SLC41A3: variants seen among roughly 807,000 people sequenced by gnomAD.
SLC41A3 encodes the protein solute carrier family 41 member 3.
A neutral mutation model predicts 45.4 loss-of-function variants in SLC41A3; 44 were observed. The ratio of observed to expected loss-of-function variants is 0.97; its 90% confidence interval spans 0.76 to 1.25. The LOEUF is 1.25. SLC41A3 is among the 50% of genes most tolerant of loss of function. SLC41A3 has a pLI of 0.00. For missense variants in SLC41A3, 550 were observed against 600.6 expected, an observed-to-expected ratio of 0.92 and a Z score of 0.88; for synonymous variants, 256 against 252.4, an observed-to-expected ratio of 1.01 and a Z score of -0.13.
At chr3:126,073,446 A>C (rs1363247908) in intron 1 of SLC41A3, among the ~76,000 whole-genome samples, 6 of 152,124 alleles carry the variant, frequency 3.9e-5, no homozygotes, top group Non-Finnish European at 5.9e-5. Context: ...GAAAAAAAAC[A>C]AAAACAAACA....
Position 126,056,709 on chromosome 3 carries a change from C to T in SLC41A3, c.274-5659G>A, listed in dbSNP as rs946955486. Reference sequence around the variant, plus strand: ...TGCCCTGTGCCTGCAGAGAGTTCCCCAACAGCCCCTCGGCTGAGGGCCAGC... The same window carrying T: ...TGCCCTGTGCCTGCAGAGAGTTCCCTAACAGCCCCTCGGCTGAGGGCCAGC... On this transcript the variant is annotated intron_variant, in intron 2 of 10. Coordinates refer to ENST00000360370, the MANE Select transcript of SLC41A3 (RefSeq NM_017836.4). 4 of 1,439,858 alleles carry T rather than the reference C, an allele frequency of 2.8e-6. No individual in the cohort carries two copies. The African/African-American group carries it at 4.3e-5, about 15-fold the overall frequency. The allele number at this position is 1,439,858 out of a possible 1,614,324, so 89.2% of individuals were successfully genotyped here.
intron 1 of SLC41A3, among the ~76,000 whole-genome samples, chr3:126,081,144 G>A (rs1945129172): frequency 6.6e-6 from 1 of 152,184 alleles, no homozygotes; most frequent in Non-Finnish European, 1.5e-5. Flanking sequence ...TAAAGAAGAT[G>A]CGGTACATAT....
chr3:126,091,697 A>G (rs1423614729), intron 1 of SLC41A3, among the ~76,000 whole-genome samples: 1 of 152,212 alleles, frequency 6.6e-6, no homozygotes, highest in Non-Finnish European at 1.5e-5. Context: ...GGAAAAAGAC[A>G]TGGAAAGGGA....
chr3:126,012,481 C>T (rs752509885), intron 9 of SLC41A3, 134 bp downstream of exon 9: 9 of 1,163,036 alleles, frequency 7.7e-6, no homozygotes, highest in Non-Finnish European at 1.1e-5. Context: ...ATTTCTGGGG[C>T]CCTGAAGGTG....
chr3:126,049,227 C>T (rs911084681), intron 3 of SLC41A3, among the ~76,000 whole-genome samples: 3 of 152,212 alleles, frequency 2.0e-5, no homozygotes, highest in African/African-American at 7.2e-5. Context: ...TGGCTCATGC[C>T]TATAATCCCA....
chr3:126,006,741 C>A lies in SLC41A3; in HGVS notation c.*275G>T. 6.9e-7 allele frequency: 1 copy of A among 1,445,638 alleles called. No individual in the cohort carries two copies. The allele number at this position is 1,445,638 out of a possible 1,614,324, so 89.6% of individuals were successfully genotyped here. ...CCTTCTCAGGCCAGAACACCCTCCT[C>A]TCCACAAACGTGTGCACACTTGCAC... On this transcript the variant is annotated 3_prime_UTR_variant, in exon 11 of 11. Transcript: ENST00000360370.
chr3:126,072,387 G>T (rs2108044152), intron 1 of SLC41A3, among the ~76,000 whole-genome samples: 1 of 145,504 alleles, frequency 6.9e-6, no homozygotes, highest in African/African-American at 2.6e-5. Flanking sequence ...AAAAAAAAAG[G>T]CCAGCAAAAC....
Position 126,067,963 on chromosome 3 carries a change from A to G in SLC41A3, c.257T>C (p.Leu86Pro). The G allele has an allele frequency of 4.4e-6, 7 of 1,605,954 alleles. No individual in the cohort carries two copies. Among genetic ancestry groups the G allele is most frequent in the Non-Finnish European group, 6.0e-6 (7 of 1,176,256 alleles). The part of the protein sequence containing the change: ...AGLGLSWAGM[L>P]LDYFQHWPVF... ...CCCTCTTACCTGGAAATAGTCCAGA[A>G]GCATGCCGGCCCAGGACAGTCCCAG... The change falls in exon 2 of 11, where the codon CTT becomes CCT. Residue 86 changes from leucine (L) to proline (P), a missense_variant. Transcript: ENST00000360370.
At chr3:126,033,520 C>A (rs1411663887) in intron 4 of SLC41A3, 87 bp downstream of exon 4, 7 of 1,435,954 alleles carry the variant, frequency 4.9e-6, no homozygotes, top group South Asian at 1.2e-5. Context: ...AGTGCAGGGA[C>A]AAGAGCTCGC....
intron 1 of SLC41A3, among the ~76,000 whole-genome samples, chr3:126,100,431 C>T (rs1225216996): frequency 6.6e-6 from 1 of 152,162 alleles, no homozygotes; most frequent in African/African-American, 2.4e-5. Flanking sequence ...GAAGTCAGAT[C>T]AGCAGAGCAC....
intron 4 of SLC41A3, among the ~76,000 whole-genome samples, chr3:126,029,500 C>T (rs919942982): frequency 1.6e-4 from 25 of 152,282 alleles, no homozygotes; most frequent in African/African-American, 6.0e-4. Context: ...GCTTCCTGTA[C>T]AGCCTGTGGA....
chr3:126,092,973 T>C (rs1945519156), intron 1 of SLC41A3, among the ~76,000 whole-genome samples: 1 of 152,186 alleles, frequency 6.6e-6, no homozygotes, highest in African/African-American at 2.4e-5. Context: ...AGATCTTTCT[T>C]TTCTGCAGGA....
chr3:126,090,028 CT>C (rs59737864), intron 1 of SLC41A3, among the ~76,000 whole-genome samples: 17,316 of 98,950 alleles, frequency 0.17, 760 homozygotes, highest in Middle Eastern at 0.29. Flanking sequence ...TCAAGAAAAT[CT>C]TTTTTTTTTT....
chr3:126,056,712 C>T (rs1207516825), intron 2 of SLC41A3: 11 of 1,438,496 alleles, frequency 7.6e-6, no homozygotes, highest in Non-Finnish European at 8.2e-6. Flanking sequence ...AGTTCCCCAA[C>T]AGCCCCTCGG....
chr3:126,096,381 G>GCCCCC (rs75940914), intron 1 of SLC41A3, among the ~76,000 whole-genome samples: 1 of 151,694 alleles, frequency 6.6e-6, no homozygotes, highest in African/African-American at 2.4e-5. Context: ...GTTGGGAACA[G>GCCCCC]CCCCCCCACC....
Position 126,068,038 on chromosome 3 carries a change from GTC to G in SLC41A3, c.180_181del (p.Glu60AspfsTer74). The G allele has an allele frequency of 6.2e-7, 1 of 1,613,916 alleles. No individual in the cohort carries two copies. The highest frequency in any genetic ancestry group is 8.5e-7 in the Non-Finnish European group (1 of 1,179,990). On this transcript the variant is annotated frameshift_variant, in exon 2 of 11. Transcript: ENST00000360370. LOFTEE classifies it high-confidence loss of function. ...CACCTGAAGGCCTATGGACCAGGTG[GTC>G]TCCCTGCTAGGCTCAGTCTCCAGTG...
At position 126,026,967 on chromosome 3, in the gene SLC41A3, C is replaced by G. The variant is rs1211326515; in HGVS notation, c.454-488G>C. 6.6e-6 allele frequency among the ~76,000 whole-genome samples: 1 copy of G among 152,186 alleles called. No individual in the cohort carries two copies. Among genetic ancestry groups the G allele is most frequent in the Non-Finnish European group, 1.5e-5 (1 of 68,022 alleles). On this transcript the variant is annotated intron_variant, in intron 4 of 10. Transcript: ENST00000360370. This position sits in a 1 kb window ranked among gnomAD's most constrained non-coding sequence, Gnocchi z 4.2. ...ACACCCTCCCCTTCCAGGCTCTGTT[C>G]CCATCTCTGTCCTGCCAAACACACA... is the stretch of plus-strand genomic sequence containing the variant.
intron 1 of SLC41A3, among the ~76,000 whole-genome samples, chr3:126,093,894 C>A (rs1945542556): frequency 6.6e-6 from 1 of 152,144 alleles, no homozygotes; most frequent in South Asian, 2.1e-4. Flanking sequence ...TTGGTAGATA[C>A]AGGAGTGGAC....
At chr3:126,086,408 G>GGTTTTTTTTGTTTT (rs776330275), upstream of SLC41A3, among the ~76,000 whole-genome samples, 3 of 21,184 alleles carry the variant, frequency 1.4e-4, 1 homozygote, top group African/African-American at 1.3e-4. Flanking sequence ...TTGTTTTCTT[G>GGTTTTTTTTGTTTT]TTTTTTTTTT....
Sources: gnomAD v4.1 joint callset for allele counts (sites outside exome capture counted in the v4.1 genomes callset) on GRCh38, gnomAD v4.1.1 for gene constraint, Gnocchi (gnomAD v3.1) non-coding constraint, MANE v1.5 for transcripts, NCBI Gene and HGNC (gene_info 2026-07-23, HGNC 2026-07-21) for gene names.